PAH: variants seen among roughly 807,000 people sequenced by gnomAD.
PAH encodes phenylalanine hydroxylase, also known as phenylalanine-4-hydroxylase.
Under a neutral mutation model 62.0 loss-of-function variants are expected in PAH, and 64 were observed. That is an observed-to-expected ratio of 1.03 (90% CI 0.84 to 1.27). PAH has a LOEUF of 1.27. PAH is among the 50% of genes most tolerant of loss of function. PAH has a pLI of 0.00. For synonymous variants in PAH, 195 were observed against 196.2 expected, an observed-to-expected ratio of 0.99 and a Z score of 0.05; for missense variants, 579 against 542.8, an observed-to-expected ratio of 1.07 and a Z score of -0.66.
chr12:102,848,291 T>C (rs958848061), intron 8 of PAH, among the ~76,000 whole-genome samples: 2 of 136,138 alleles, frequency 1.5e-5, no homozygotes, highest in Non-Finnish European at 1.5e-5. Context: ...CTGGAGAGGT[T>C]AAGTGTAGAC....
At chr12:102,952,822 A>T (rs1879808200), upstream of PAH, among the ~76,000 whole-genome samples, 1 of 152,202 alleles carries the variant, frequency 6.6e-6, no homozygotes, top group Non-Finnish European at 1.5e-5. Flanking sequence ...AGAAGGCTGA[A>T]TTCCTTAATG....
At chr12:102,877,933 C>T (rs1876642694) in intron 3 of PAH, among the ~76,000 whole-genome samples, 1 of 152,152 alleles carries the variant, frequency 6.6e-6, no homozygotes, top group Non-Finnish European at 1.5e-5. Flanking sequence ...TCAAGTGACT[C>T]TCCTGCCTCA....
chr12:102,877,611 G>C, intron 3 of PAH, 61 bp from the exon 4 acceptor site: 1 of 1,273,042 alleles, frequency 7.9e-7, no homozygotes, highest in Non-Finnish European at 1.2e-6. Context: ...CAAAGGCCTT[G>C]CTGAGATCAG....
intron 1 of PAH, among the ~76,000 whole-genome samples, chr12:102,934,419 G>T (rs1466632422): frequency 1.2e-5 from 1 of 80,990 alleles, no homozygotes; most frequent in African/African-American, 5.1e-5. Flanking sequence ...GTGTTTCATG[G>T]TACCTTAAAT....
chr12:102,945,763 C>T (rs1001214520), intron 1 of PAH, among the ~76,000 whole-genome samples: 1 of 152,078 alleles, frequency 6.6e-6, no homozygotes, highest in African/African-American at 2.4e-5. Flanking sequence ...GAATTGGGAA[C>T]CCAAGAGCCT....
chr12:102,852,010 C>T (rs1875174532), intron 7 of PAH: 2 of 502,702 alleles, frequency 4.0e-6, no homozygotes, highest in Non-Finnish European at 7.2e-6. Context: ...TAAGAGTATC[C>T]CCAGTGGGGT....
At chr12:102,932,465 C>T (rs1008266862) in intron 1 of PAH, among the ~76,000 whole-genome samples, 5 of 152,136 alleles carry the variant, frequency 3.3e-5, no homozygotes, top group East Asian at 1.9e-4. Context: ...ATAAAAAGAT[C>T]GCTGGTGATC....
intron 3 of PAH, among the ~76,000 whole-genome samples, chr12:102,889,851 C>T (rs544168761): frequency 9.9e-5 from 15 of 152,204 alleles, no homozygotes; most frequent in African/African-American, 2.4e-4. Context: ...GTCATGCAGT[C>T]GACTCAAAGG....
chr12:102,842,837 T>C (rs1874650318), intron 11 of PAH, among the ~76,000 whole-genome samples: 1 of 152,150 alleles, frequency 6.6e-6, no homozygotes, highest in Admixed American at 6.5e-5. Context: ...TGTCATAGAC[T>C]CCCAAAGGCC....
upstream of PAH, among the ~76,000 whole-genome samples, chr12:102,920,263 T>C (rs2136738135): frequency 6.6e-6 from 1 of 152,326 alleles, no homozygotes; most frequent in South Asian, 2.1e-4. Context: ...TTTTGTTCAA[T>C]TTGGTTGGAA....
intron 6 of PAH, chr12:102,854,574 C>T (rs992627324): frequency 1.0e-5 from 2 of 191,176 alleles, no homozygotes; most frequent in Non-Finnish European, 2.2e-5. Flanking sequence ...TTTCCATATG[C>T]AGCACCTTAC....
chr12:102,952,927 G>T (rs748239626), upstream of PAH, among the ~76,000 whole-genome samples: 2 of 152,222 alleles, frequency 1.3e-5, no homozygotes, highest in Non-Finnish European at 2.9e-5. Flanking sequence ...TCCAAGGCTG[G>T]TGCAGAGTCA....
intron 4 of PAH, among the ~76,000 whole-genome samples, chr12:102,871,536 A>G (rs1413729480): frequency 6.6e-6 from 1 of 152,164 alleles, no homozygotes; most frequent in Admixed American, 6.5e-5. Flanking sequence ...ACATATGTTA[A>G]TAATGATTAA....
chr12:102,861,015 A>T (rs1197467892), intron 5 of PAH, among the ~76,000 whole-genome samples: 1 of 152,268 alleles, frequency 6.6e-6, no homozygotes, highest in Non-Finnish European at 1.5e-5. Context: ...GCTTCTGCAC[A>T]GCAAAAGAAA....
Position 102,843,662 on chromosome 12 carries a change from C to G in PAH, c.1183G>C (p.Ala395Pro), listed in dbSNP as rs62516103. ...LYYVAESFND[A>P]KEKVRNFAAT... Reference sequence around the variant, plus strand: ...CCACCTCACCTTACTTTCTCCTTGGCATCATTAAAACTCTCTGCCACGTAA... The same window carrying G: ...CCACCTCACCTTACTTTCTCCTTGGGATCATTAAAACTCTCTGCCACGTAA... Residue 395 changes from alanine (A) to proline (P), a missense_variant, in exon 11 of 13, where the codon GCC becomes CCC. Transcript: ENST00000553106. The G allele has an allele frequency of 7.4e-6, 12 of 1,613,646 alleles. No homozygotes were observed. Among genetic ancestry groups the G allele is most frequent in the Non-Finnish European group, 1.0e-5 (12 of 1,179,824 alleles).
At chr12:102,913,936 G>T in intron 1 of PAH, 1 of 673,014 alleles carries the variant, frequency 1.5e-6, no homozygotes, top group South Asian at 1.6e-5. Flanking sequence ...ACCTAAAACT[G>T]GGAAGAAAAA....
At position 102,912,842 on chromosome 12, in the gene PAH, G is replaced by C. The variant is rs62642926; in HGVS notation, c.117C>G (p.Phe39Leu). 384 of 1,613,626 alleles carry C rather than the reference G, an allele frequency of 2.4e-4. No homozygotes were observed. Among genetic ancestry groups the C allele is most frequent in the Non-Finnish European group, 3.0e-4 (357 of 1,179,710 alleles). The stretch of plus-strand genomic sequence containing the variant: ...ATGCACCAACTTCTTCTTTGAGTGA[G>C]AAGATCAGTGATATGGCACCATTTT... ...CNQNGAISLI[F>L]SLKEEVGALA... is the part of the protein sequence containing the mutation. Residue 39 changes from phenylalanine to leucine, a missense_variant, in exon 2 of 13, where the codon TTC (phenylalanine) becomes TTG (leucine). Physicochemically the swap from Phe to Leu is conservative, Grantham distance 22. Transcript: ENST00000553106.
At chr12:102,880,397 G>A (rs1191246992) in intron 3 of PAH, among the ~76,000 whole-genome samples, 1 of 152,070 alleles carries the variant, frequency 6.6e-6, no homozygotes, top group South Asian at 2.1e-4. Context: ...GCCACCAAGG[G>A]GTTTCAATGA....
intron 1 of PAH, among the ~76,000 whole-genome samples, chr12:102,931,945 C>T (rs530713455): frequency 6.6e-6 from 1 of 152,298 alleles, no homozygotes; most frequent in Admixed American, 6.5e-5. Context: ...GAAGCAGACA[C>T]AGCCCCTGCC....
Sources: gnomAD v4.1 joint callset for allele counts (sites outside exome capture counted in the v4.1 genomes callset) on GRCh38, gnomAD v4.1.1 for gene constraint, MANE v1.5 for transcripts, NCBI Gene and HGNC (gene_info 2026-07-23, HGNC 2026-07-21) for gene names.